Variants in MAPK12 observed in about 807,000 individuals in gnomAD.
MAPK12 encodes the protein MAP kinase 12.
A neutral mutation model predicts 49.1 loss-of-function variants in MAPK12; 49 were observed. The observed-to-expected ratio is 1.00, with a 90% CI of 0.79 to 1.27. The LOEUF (loss-of-function observed/expected upper bound fraction) is 1.27. Among genes scored for constraint, MAPK12 ranks in the 50% most tolerant of loss-of-function variants. The pLI is 0.00. For missense variants in MAPK12, 554 were observed against 502.4 expected (o/e 1.10, Z -0.98); for synonymous variants, 251 against 209.7 (o/e 1.20, Z -1.70).
intron 11 of MAPK12, 198 bp downstream of exon 11, chr22:50,254,999 C>G (rs2065132928): frequency 6.9e-7 from 1 of 1,457,776 alleles, no homozygotes; most frequent in Non-Finnish European, 9.0e-7. Context: ...GACCTGCATC[C>G]CAGGGATGGG....
chr22:50,257,881 A>G lies in MAPK12; in HGVS notation c.314+362T>C, dbSNP rs770639335. The stretch of plus-strand genomic sequence containing the variant: ...CTACCGCTTCTCCCCCACCCGCTGG[A>G]AAAGGTCAGCAGCTCCAGTTACCGG... On this transcript the variant is annotated intron_variant, in intron 3 of 11. Coordinates refer to ENST00000215659, the MANE Select transcript of MAPK12 (RefSeq NM_002969.6). The G allele has an allele frequency of 3.9e-6, 3 of 766,832 alleles. No homozygotes were observed. The South Asian group carries it at 4.2e-5, about 11-fold the overall frequency. The allele number at this position is 766,832 out of a possible 1,614,324, so 47.5% of individuals were successfully genotyped here. A position where few individuals can be genotyped will look rare whatever the true frequency, so the allele number is the denominator to read the frequency against.
intron 11 of MAPK12, 22 bp from the exon 12 acceptor site, chr22:50,253,502 G>GGGGGGGAGGA: frequency 5.8e-6 from 1 of 171,686 alleles, no homozygotes; most frequent in South Asian, 4.5e-5. Context: ...GGGGGGGCGG[G>GGGGGGGAGGA]CACAACAGAG....
chr22:50,261,294 G>T lies in MAPK12; in HGVS notation c.128C>A (p.Ser43Ter). 6.8e-7 allele frequency: 1 copy of T among 1,468,468 alleles called. No homozygotes were observed. Among genetic ancestry groups the T allele is most frequent in the East Asian group, 3.0e-5 (1 of 33,376 alleles). The allele number at this position is 1,468,468 out of a possible 1,614,324, so 91.0% of individuals were successfully genotyped here. A position where few individuals can be genotyped will look rare whatever the true frequency, so the allele number is the denominator to read the frequency against. The change falls in exon 2 of 12, where the codon TCG becomes TAG. Residue 43 changes from serine to a stop codon, truncating the protein, a stop_gained and splice_region_variant. Coordinates refer to ENST00000215659, the MANE Select transcript of MAPK12 (RefSeq NM_002969.6). LOFTEE classifies it high-confidence loss of function. ...VGSGAYGAVC[S>*]AVDGRTGAKV... is the part of the protein sequence containing the mutation. ...AGCGCCGGTGCGGCCGTCCACGGCC[G>T]AGCTGCGGGGCGGACCGCTTAGCGG...
At chr22:50,256,895 T>C (rs755238590) in intron 5 of MAPK12, 40 bp downstream of exon 5, 20 of 1,597,296 alleles carry the variant, frequency 1.3e-5, no homozygotes, top group Non-Finnish European at 1.6e-5. Flanking sequence ...GGGATTGCAC[T>C]GGGGGAGGGC....
chr22:50,256,091 G>T lies in MAPK12; in HGVS notation c.613C>A (p.Gln205Lys). ...TCTCTGGGCAGCTTCTCACCCGTCTGCGTGTAGCGCATCCAATTCAAGATG... is the reference window on the plus strand; with the variant it reads ...TCTCTGGGCAGCTTCTCACCCGTCTTCGTGTAGCGCATCCAATTCAAGATG... The part of the protein sequence containing the change: ...EVILNWMRYT[Q>K]TVDIWSVGCI... The change falls in exon 7 of 12, where the codon CAG becomes AAG. Residue 205 changes from glutamine to lysine, a missense_variant. Physicochemically the swap from Gln to Lys is moderately conservative, Grantham distance 53. Coordinates refer to ENST00000215659, the MANE Select transcript of MAPK12 (RefSeq NM_002969.6). 1 of 1,612,026 alleles carries T rather than the reference G, an allele frequency of 6.2e-7. No individual in the cohort carries two copies. The highest frequency in any genetic ancestry group is 8.5e-7 in the Non-Finnish European group (1 of 1,179,460).
intron 11 of MAPK12, 191 bp from the exon 12 acceptor site, chr22:50,253,671 G>A: frequency 1.7e-6 from 1 of 598,360 alleles, no homozygotes; most frequent in South Asian, 2.0e-5. Context: ...CAGGGAAAGG[G>A]GAGGTGGCCA....
In MAPK12 at chr22:50,255,084, TCA is replaced by T. The variant is rs1320744028; in HGVS notation, c.1024+111_1024+112del. Reference sequence around the variant, plus strand: ...ACAGGCCCTACCCGGAGCCCCCAACTCACGGGTCCACACAGGCCCTACCCGGA... The same window carrying T: ...ACAGGCCCTACCCGGAGCCCCCAACTCGGGTCCACACAGGCCCTACCCGGA... On this transcript the variant is annotated intron_variant, in intron 11 of 11. Coordinates refer to ENST00000215659, the MANE Select transcript of MAPK12 (RefSeq NM_002969.6). 17 of 1,526,122 alleles carry T rather than the reference TCA, an allele frequency of 1.1e-5. 1 individual carries two copies. Among genetic ancestry groups the T allele is most frequent in the Non-Finnish European group, 1.5e-5 (17 of 1,137,784 alleles). 94.5% of individuals were successfully genotyped at this position (1,526,122 alleles called of 1,614,324 possible).
intron 3 of MAPK12, chr22:50,257,718 T>C (rs1227512665): frequency 2.4e-5 from 15 of 623,168 alleles, no homozygotes; most frequent in African/African-American, 1.8e-4. Context: ...CAGAGGCCAC[T>C]GACTTGACCT....
At chr22:50,258,762 T>A (rs1047345931) in intron 2 of MAPK12, among the ~76,000 whole-genome samples, 1 of 151,854 alleles carries the variant, frequency 6.6e-6, no homozygotes, top group East Asian at 1.9e-4. Context: ...GCACCCCTGG[T>A]TGGGGAGATA....
chr22:50,261,668 C>A lies in MAPK12; in HGVS notation c.-159G>T. The A allele has an allele frequency of 1.2e-6, 1 of 821,678 alleles. No homozygotes were observed. The highest frequency in any genetic ancestry group is 5.5e-5 in the South Asian group (1 of 18,212). 50.9% of individuals were successfully genotyped at this position (821,678 alleles called of 1,614,324 possible). A position where few individuals can be genotyped will look rare whatever the true frequency, so the allele number is the denominator to read the frequency against. ...TGGGGCGCTCCCGCTCCCGGCCCTT[C>A]CCTCAGGGATGTCCCAGGTGCCGAC... On this transcript the variant is annotated 5_prime_UTR_variant, in exon 1 of 12. Transcript: ENST00000215659.
intron 2 of MAPK12, among the ~76,000 whole-genome samples, chr22:50,259,736 T>C (rs1348928460): frequency 1.3e-5 from 2 of 151,510 alleles, no homozygotes; most frequent in Non-Finnish European, 2.9e-5. Context: ...TACAAAAAAT[T>C]AGCCAGGCGT....
Position 50,255,197 on chromosome 22 carries a change from G to A in MAPK12, c.1024C>T (p.Arg342Cys), listed in dbSNP as rs772319839. The A allele has an allele frequency of 1.4e-5, 22 of 1,613,518 alleles. 1 individual carries two copies. The highest frequency in any genetic ancestry group is 8.3e-5 in the Admixed American group (5 of 60,002). ...GCCGTGCCAGGAGCCCCCCACTCAC[G>A]CTTCCATTCATCCAGTGTGCGGTCA... is the stretch of plus-strand genomic sequence containing the variant. ...DVDRTLDEWK[R>C]VTYKEVLSFK... The change falls in exon 11 of 12, where the codon CGT (arginine) becomes TGT (cysteine). Residue 342 changes from arginine to cysteine, a missense_variant and splice_region_variant. Physicochemically the swap from Arg to Cys is radical, Grantham distance 180 (BLOSUM62 -3). Transcript: ENST00000215659.
Position 50,256,146 on chromosome 22 carries a change from C to A in MAPK12, c.558G>T (p.Val186=), listed in dbSNP as rs1371804965. 6.2e-7 allele frequency: 1 copy of A among 1,612,672 alleles called. No individual in the cohort carries two copies. Among genetic ancestry groups the A allele is most frequent in the Non-Finnish European group, 8.5e-7 (1 of 1,179,952 alleles). The change falls in exon 7 of 12, where the codon GTG becomes GTT. Residue 186 remains valine, a synonymous_variant. Coordinates refer to ENST00000215659, the MANE Select transcript of MAPK12 (RefSeq NM_002969.6). ...CGGGAGCCCGGTACCACCGGGTCACCACGTACCCAGTCATCTCACTGTCTG... is the reference window on the plus strand; with the variant it reads ...CGGGAGCCCGGTACCACCGGGTCACAACGTACCCAGTCATCTCACTGTCTG... ...RQADSEMTGY[V]VTRWYRAPEV...
intron 3 of MAPK12, chr22:50,257,487 G>T: frequency 1.9e-6 from 1 of 523,586 alleles, no homozygotes. Flanking sequence ...CCGCTGAAGC[G>T]CCCTGCGTGC....
At chr22:50,256,729 G>T (rs1258720900) in intron 5 of MAPK12, 83 bp from the exon 6 acceptor site, 1 of 1,538,458 alleles carries the variant, frequency 6.5e-7, no homozygotes, top group African/African-American at 1.4e-5. Context: ...ACCTAAAGAT[G>T]GGGCCACCGG....
In MAPK12 at chr22:50,261,523, G is replaced by C; in HGVS notation, c.-14C>G. On this transcript the variant is annotated 5_prime_UTR_variant, in exon 1 of 12. Transcript: ENST00000215659. The stretch of plus-strand genomic sequence containing the variant: ...CGGAGAGCTCATGGCAGGCCCGGGA[G>C]CTGCCCACCCCGCAGAGCCTGCGGG... The C allele has an allele frequency of 8.7e-7, 1 of 1,147,534 alleles. No homozygotes were observed. The highest frequency in any genetic ancestry group is 3.5e-4 in the Middle Eastern group (1 of 2,878). 71.1% of individuals were successfully genotyped at this position (1,147,534 alleles called of 1,614,324 possible).
rs371313399 is a variant in MAPK12, at chr22:50,261,257, G to C, written c.165C>G (p.Ile55Met). Residue 55 changes from isoleucine (I) to methionine (M), a missense_variant, in exon 2 of 12, where the codon ATC becomes ATG. By Grantham distance (10) the Ile-to-Met change is conservative. Transcript: ENST00000215659. Reference protein sequence around the residue: ...VDGRTGAKVAIKKLYRPFQSE... With the variant: ...VDGRTGAKVAMKKLYRPFQSE... ...ACTGGAAAGGCCGATACAGCTTCTT[G>C]ATGGCCACCTTAGCGCCGGTGCGGC... 2.6e-6 allele frequency: 4 copies of C among 1,566,062 alleles called. No individual in the cohort carries two copies. Among genetic ancestry groups the C allele is most frequent in the Non-Finnish European group, 3.5e-6 (4 of 1,157,944 alleles).
Position 50,256,180 on chromosome 22 carries a change from G to C in MAPK12, c.524C>G (p.Ala175Gly). 6.2e-7 allele frequency: 1 copy of C among 1,612,574 alleles called. No homozygotes were observed. The highest frequency in any genetic ancestry group is 8.5e-7 in the Non-Finnish European group (1 of 1,179,764). The change falls in exon 7 of 12, where the codon GCC becomes GGC. Residue 175 changes from alanine (A) to glycine (G), a missense_variant. Coordinates refer to ENST00000215659, the MANE Select transcript of MAPK12 (RefSeq NM_002969.6). ...CELKILDFGL[A>G]RQADSEMTGY... ...AGTCATCTCACTGTCTGCCTGCCTGGCCAGGCCGAAGTCCAGGATCTGTGG... is the reference window on the plus strand; with the variant it reads ...AGTCATCTCACTGTCTGCCTGCCTGCCCAGGCCGAAGTCCAGGATCTGTGG...
intron 4 of MAPK12, 25 bp downstream of exon 4, chr22:50,257,057 C>T: frequency 6.2e-7 from 1 of 1,608,834 alleles, no homozygotes; most frequent in Non-Finnish European, 8.5e-7. Context: ...GCCTGCCTCC[C>T]TGCAGCCTCC....
Sources: allele counts gnomAD v4.1 joint callset (sites outside exome capture counted in the v4.1 genomes callset), GRCh38; gene constraint gnomAD v4.1.1; transcripts MANE v1.5; gene names NCBI Gene and HGNC (gene_info 2026-07-23, HGNC 2026-07-21).